LGSN: variants seen among roughly 807,000 people sequenced by gnomAD.
LGSN encodes the protein lengsin.
Under a neutral mutation model 19.5 loss-of-function variants are expected in LGSN, and 21 were observed. The observed-to-expected ratio is 1.07, with a 90% CI of 0.76 to 1.55. The LOEUF (loss-of-function observed/expected upper bound fraction) is 1.55, where lower values mean the gene tolerates loss of function less well. LGSN is among the 40% of genes most tolerant of loss of function. The pLI is 0.00. For synonymous variants in LGSN, 257 were observed against 215.6 expected, an observed-to-expected ratio of 1.19 and a Z score of -1.68; for missense variants, 673 against 608.5, an observed-to-expected ratio of 1.11 and a Z score of -1.12.
the LGSN span, among the ~76,000 whole-genome samples, chr6:63,340,468 G>A: frequency 3.3e-5 from 5 of 152,006 alleles, no homozygotes; most frequent in Admixed American, 2.0e-4. Flanking sequence ...TTATTCTGTT[G>A]TTGTTGTTTT....
At chr6:63,504,697 G>T in the LGSN span, among the ~76,000 whole-genome samples, 1 of 152,176 alleles carries the variant, frequency 6.6e-6, no homozygotes, top group Non-Finnish European at 1.5e-5. Flanking sequence ...ACCCACCTCG[G>T]TGTCCCAAAG....
the LGSN span, among the ~76,000 whole-genome samples, chr6:63,342,665 G>A: frequency 2.0e-5 from 3 of 152,188 alleles, no homozygotes; most frequent in Non-Finnish European, 4.4e-5. Flanking sequence ...CTCACTAAAA[G>A]CACTGAAGTG....
chr6:63,371,771 G>T, the LGSN span, among the ~76,000 whole-genome samples: 2 of 152,174 alleles, frequency 1.3e-5, no homozygotes, highest in South Asian at 2.1e-4. Context: ...GTCCTTTAAA[G>T]TTCCTGGATT....
the LGSN span, among the ~76,000 whole-genome samples, chr6:63,539,438 C>T: frequency 2.0e-5 from 3 of 152,084 alleles, no homozygotes; most frequent in African/African-American, 4.8e-5. Context: ...AATCATTATT[C>T]TTTATGGTTT....
chr6:63,315,343 T>C (rs1582052025), intron 1 of LGSN, among the ~76,000 whole-genome samples: 1 of 152,148 alleles, frequency 6.6e-6, no homozygotes, highest in East Asian at 1.9e-4. Context: ...CTTTCCTAGA[T>C]AAAATATGGC....
chr6:63,547,902 C>T, the LGSN span, among the ~76,000 whole-genome samples: 14 of 152,278 alleles, frequency 9.2e-5, no homozygotes, highest in Admixed American at 8.5e-4. Flanking sequence ...TTAAAAACCA[C>T]AAATTTGATT....
chr6:63,328,463 G>T, the LGSN span, among the ~76,000 whole-genome samples: 1 of 152,150 alleles, frequency 6.6e-6, no homozygotes, highest in African/African-American at 2.4e-5. Context: ...ACTTCCTTTG[G>T]CACCTAGTGT....
chr6:63,453,644 A>G, the LGSN span, among the ~76,000 whole-genome samples: 1 of 151,738 alleles, frequency 6.6e-6, no homozygotes, highest in Admixed American at 6.6e-5. Flanking sequence ...TTGAACAAAC[A>G]TCTGTCATTA....
rs1189008007 is a variant in LGSN, at chr6:63,278,165, C to T, written c.*1856G>A. On this transcript the variant is annotated 3_prime_UTR_variant, in exon 4 of 4. Coordinates refer to ENST00000370657, the MANE Select transcript of LGSN (RefSeq NM_016571.3). ...CTACTTTCACCTCTTTGCACTGAAC[C>T]TAATAACATGACCACATCCAACCTT... is the stretch of plus-strand genomic sequence containing the variant. 2 of 152,000 alleles carry T rather than the reference C, an allele frequency of 1.3e-5. No homozygotes were observed. Among genetic ancestry groups the T allele is most frequent in the Non-Finnish European group, 2.9e-5 (2 of 68,008 alleles). The allele number at this position is 152,000 out of a possible 1,614,324, so 9.4% of individuals were successfully genotyped here.
the LGSN span, chr6:63,548,660 T>C: frequency 2.3e-6 from 1 of 431,450 alleles, no homozygotes. Flanking sequence ...AAGGAAAATT[T>C]GTTCTATTTT....
the LGSN span, among the ~76,000 whole-genome samples, chr6:63,435,902 C>T: frequency 7.8e-6 from 1 of 127,594 alleles, no homozygotes; most frequent in African/African-American, 3.1e-5. Context: ...GAGTCATCAT[C>T]CAAATTAAAA....
intron 1 of LGSN, among the ~76,000 whole-genome samples, chr6:63,298,653 C>T (rs921538462): frequency 1.3e-5 from 2 of 152,124 alleles, no homozygotes; most frequent in African/African-American, 2.4e-5. Flanking sequence ...TCCCATACCT[C>T]TACATGTATA....
chr6:63,491,886 G>A, the LGSN span, among the ~76,000 whole-genome samples: 4 of 152,038 alleles, frequency 2.6e-5, no homozygotes, highest in Non-Finnish European at 5.9e-5. Context: ...AAAATTAGCC[G>A]GGCGTAGTGG....
the LGSN span, among the ~76,000 whole-genome samples, chr6:63,338,166 A>G: frequency 1.8e-4 from 28 of 152,298 alleles, no homozygotes; most frequent in East Asian, 2.7e-3. Flanking sequence ...GATTACAGGC[A>G]TGAGCCACCG....
At chr6:63,432,179 G>GAGAGGGAAAGAAAGAAAAGA in the LGSN span, among the ~76,000 whole-genome samples, 1 of 113,648 alleles carries the variant, frequency 8.8e-6, no homozygotes, top group African/African-American at 3.4e-5. Context: ...GAAAAGGAAA[G>GAGAGGGAAAGAAAGAAAAGA]AAAGAAAAGA....
upstream of LGSN, among the ~76,000 whole-genome samples, chr6:63,323,680 A>AT (rs532847937): frequency 2.8e-3 from 420 of 150,142 alleles, 3 homozygotes; most frequent in African/African-American, 9.8e-3. Flanking sequence ...CATAAATAGC[A>AT]TTTTTTATAG....
chr6:63,393,458 C>T, the LGSN span, among the ~76,000 whole-genome samples: 1 of 150,638 alleles, frequency 6.6e-6, no homozygotes, highest in Non-Finnish European at 1.5e-5. Flanking sequence ...GGATTACAGG[C>T]GTGAGCCACC....
At chr6:63,502,799 T>C in the LGSN span, among the ~76,000 whole-genome samples, 1 of 152,216 alleles carries the variant, frequency 6.6e-6, no homozygotes, top group Admixed American at 6.5e-5. Context: ...TCAAGTTTCG[T>C]AGCTTTGAAA....
chr6:63,369,580 C>A, the LGSN span, among the ~76,000 whole-genome samples: 1 of 152,112 alleles, frequency 6.6e-6, no homozygotes, highest in African/African-American at 2.4e-5. Flanking sequence ...CTCAAGCTCC[C>A]CGTGCAGGTA....
Sources: gnomAD v4.1 joint callset for allele counts (sites outside exome capture counted in the v4.1 genomes callset) on GRCh38, gnomAD v4.1.1 for gene constraint, MANE v1.5 for transcripts, NCBI Gene and HGNC (gene_info 2026-07-23, HGNC 2026-07-21) for gene names.